Variants in RSU1 observed in about 807,000 individuals in gnomAD.
RSU1 encodes Ras suppressor protein 1, also known as rsu-1.
Under a neutral mutation model 31.1 loss-of-function variants are expected in RSU1, and 26 were observed. The ratio of observed to expected loss-of-function variants is 0.84; its 90% CI spans 0.61 to 1.16. The LOEUF is 1.16. Ranked by LOEUF, RSU1 falls within the 50% of genes most tolerant of loss-of-function variation. The probability of loss-of-function intolerance (pLI) is 0.00; values close to 1 mark genes in which losing one functional copy is unlikely to be tolerated. For missense variants in RSU1, 320 were observed against 339.1 expected, an observed-to-expected ratio of 0.94 and a Z score of 0.44; for synonymous variants, 164 against 136.3, an observed-to-expected ratio of 1.20 and a Z score of -1.41.
intron 2 of RSU1, among the ~76,000 whole-genome samples, chr10:16,791,928 C>T (rs1227694541): frequency 2.6e-5 from 4 of 152,098 alleles, no homozygotes; most frequent in African/African-American, 9.7e-5. Flanking sequence ...GCAAATGATT[C>T]CTTTAGTAGC....
chr10:16,597,875 G>T (rs572622995), intron 8 of RSU1, among the ~76,000 whole-genome samples: 1 of 152,198 alleles, frequency 6.6e-6, no homozygotes, highest in Admixed American at 6.5e-5. Flanking sequence ...GCTGTCCGCC[G>T]CACGATCCTT....
intron 7 of RSU1, among the ~76,000 whole-genome samples, chr10:16,722,272 G>A (rs1836280702): frequency 6.6e-6 from 1 of 152,142 alleles, no homozygotes; most frequent in South Asian, 2.1e-4. Context: ...GCAGGTTCAG[G>A]CATCCACTGG....
At chr10:16,798,135 T>C (rs1838080080) in intron 2 of RSU1, among the ~76,000 whole-genome samples, 1 of 152,060 alleles carries the variant, frequency 6.6e-6, no homozygotes, top group Non-Finnish European at 1.5e-5. Flanking sequence ...GTGCTGGGAT[T>C]ATAGGCATGA....
chr10:16,765,833 G>A (rs1253308118), intron 3 of RSU1, among the ~76,000 whole-genome samples: 6 of 152,200 alleles, frequency 3.9e-5, no homozygotes, highest in Non-Finnish European at 7.3e-5. Context: ...GAGGCTGGGA[G>A]ACCAACCTGC....
intron 2 of RSU1, among the ~76,000 whole-genome samples, chr10:16,791,104 G>GT (rs1837903378): frequency 6.6e-6 from 1 of 152,088 alleles, no homozygotes; most frequent in South Asian, 2.1e-4. Context: ...TTGGCTCACT[G>GT]TAACCTCCAC....
intron 2 of RSU1, among the ~76,000 whole-genome samples, chr10:16,803,109 T>C (rs778839162): frequency 6.6e-6 from 1 of 152,160 alleles, no homozygotes; most frequent in Non-Finnish European, 1.5e-5. Flanking sequence ...ACAGATAATA[T>C]GATGTGTACG....
intron 7 of RSU1, among the ~76,000 whole-genome samples, chr10:16,747,581 C>A (rs760683919): frequency 6.6e-6 from 1 of 152,168 alleles, no homozygotes; most frequent in Non-Finnish European, 1.5e-5. Context: ...CAGTATCCGA[C>A]CATTACTTCT....
intron 8 of RSU1, among the ~76,000 whole-genome samples, chr10:16,684,614 CT>C (rs1471201320): frequency 2.0e-5 from 3 of 152,140 alleles, no homozygotes; most frequent in Non-Finnish European, 4.4e-5. Context: ...TAGACAAACC[CT>C]TCCCTAACTG....
intron 7 of RSU1, among the ~76,000 whole-genome samples, chr10:16,741,288 C>T (rs529512499): frequency 5.9e-5 from 9 of 152,078 alleles, no homozygotes; most frequent in Non-Finnish European, 1.3e-4. Flanking sequence ...ATCCTTAGCT[C>T]ATATCACATA....
chr10:16,763,548 C>A (rs1837251358), intron 4 of RSU1, among the ~76,000 whole-genome samples: 2 of 152,176 alleles, frequency 1.3e-5, no homozygotes. Flanking sequence ...GATCCAATCA[C>A]CTCCCACCAG....
intron 2 of RSU1, among the ~76,000 whole-genome samples, chr10:16,802,341 G>A (rs1564363242): frequency 6.6e-6 from 1 of 152,060 alleles, no homozygotes. Context: ...TGGACCAACT[G>A]CTGGAAAGAC....
At chr10:16,698,810 C>G (rs1564322155) in intron 7 of RSU1, among the ~76,000 whole-genome samples, 1 of 152,202 alleles carries the variant, frequency 6.6e-6, no homozygotes, top group Non-Finnish European at 1.5e-5. Flanking sequence ...AGGCTATTCA[C>G]GATCATCTTC....
intron 8 of RSU1, among the ~76,000 whole-genome samples, chr10:16,626,270 T>G (rs1834157513): frequency 6.6e-6 from 1 of 152,068 alleles, no homozygotes; most frequent in East Asian, 1.9e-4. Flanking sequence ...GGGCTGGTCT[T>G]GAACTCCTGG....
intron 8 of RSU1, among the ~76,000 whole-genome samples, chr10:16,645,946 ATGTGTATAT>A (rs1214456488): frequency 1.7e-5 from 1 of 59,422 alleles, no homozygotes; most frequent in Non-Finnish European, 3.2e-5. Context: ...GTGTATATAT[ATGTGTATAT>A]ACATATATGT....
At chr10:16,807,022 C>T (rs67307755) in intron 2 of RSU1, among the ~76,000 whole-genome samples, 22,985 of 152,082 alleles carry the variant, frequency 0.15, 2,192 homozygotes, top group East Asian at 0.31. Flanking sequence ...CCTCCGGAAG[C>T]GCTGGGATTA....
intron 8 of RSU1, among the ~76,000 whole-genome samples, chr10:16,637,424 C>G (rs1390816600): frequency 6.6e-6 from 1 of 151,990 alleles, no homozygotes; most frequent in East Asian, 1.9e-4. Flanking sequence ...AGAGTGGACG[C>G]CGTGCTAGTT....
chr10:16,804,204 A>G (rs577532719), intron 2 of RSU1, among the ~76,000 whole-genome samples: 66 of 152,366 alleles, frequency 4.3e-4, no homozygotes, highest in African/African-American at 1.6e-3. Context: ...ATGGCAAATA[A>G]GCATATGAAA....
intron 7 of RSU1, among the ~76,000 whole-genome samples, chr10:16,702,065 G>A (rs1410963509): frequency 6.6e-6 from 1 of 152,220 alleles, no homozygotes; most frequent in Non-Finnish European, 1.5e-5. Context: ...AGGACATAAT[G>A]GACAAAACTC....
rs916747059 is a variant in RSU1 at position 16,721,672 on chromosome 10, A to G, written c.599-26517T>C. 5.3e-5 allele frequency: 8 copies of G among 152,334 alleles called. No individual in the cohort carries two copies. In the South Asian group the frequency reaches 6.2e-4, roughly 12 times the overall value. The allele number at this position is 152,334 out of a possible 1,614,324, so 9.4% of individuals were successfully genotyped here. On this transcript the variant is annotated intron_variant, in intron 7 of 8. Coordinates refer to ENST00000345264, the MANE Select transcript of RSU1 (RefSeq NM_012425.4). ...ATCACGCTCATTCTCTTGCATTGCA[A>G]TAGGCTTTTCTGAGTGGGACAGACG...
Sources: allele counts gnomAD v4.1 joint callset (sites outside exome capture counted in the v4.1 genomes callset), GRCh38; gene constraint gnomAD v4.1.1; transcripts MANE v1.5; gene names NCBI Gene and HGNC (gene_info 2026-07-23, HGNC 2026-07-21).